COL24A1: variants seen among roughly 807,000 people sequenced by gnomAD.
COL24A1 encodes collagen type XXIV alpha 1 chain.
COL24A1 carries 224 observed loss-of-function variants against 253.9 expected under a neutral mutation model. That is an observed-to-expected ratio of 0.88 (90% CI 0.79 to 0.99). The LOEUF is 0.99. COL24A1 is among the 50% of genes least tolerant of loss of function. The probability of loss-of-function intolerance (pLI) is 0.00; values close to 1 mark genes in which losing one functional copy is unlikely to be tolerated. For synonymous variants in COL24A1, 685 were observed against 673.7 expected (o/e 1.02, Z -0.26); for missense variants, 2,131 against 2,068.5 (o/e 1.03, Z -0.59).
intron 2 of COL24A1, among the ~76,000 whole-genome samples, chr1:86,133,494 G>C (rs904163947): frequency 7.2e-5 from 11 of 152,122 alleles, no homozygotes; most frequent in African/African-American, 2.7e-4. Context: ...GTTTGTCATA[G>C]ATAGCACTTA....
At chr1:85,998,473 G>A (rs76071044) in intron 19 of COL24A1, among the ~76,000 whole-genome samples, 1 of 152,300 alleles carries the variant, frequency 6.6e-6, no homozygotes, top group East Asian at 1.9e-4. Context: ...TTAAGGGCAT[G>A]TTTCTCTATT....
chr1:85,945,760 A>G (rs1007264031), intron 24 of COL24A1, among the ~76,000 whole-genome samples: 14 of 151,838 alleles, frequency 9.2e-5, no homozygotes, highest in Middle Eastern at 3.4e-3. Flanking sequence ...TTAAGTGACT[A>G]TCTACATCTT....
chr1:86,066,231 C>CTTTTTT (rs71078637), intron 7 of COL24A1, among the ~76,000 whole-genome samples: 21 of 85,544 alleles, frequency 2.5e-4, no homozygotes, highest in African/African-American at 4.4e-4. Flanking sequence ...CCTAAGTCTC[C>CTTTTTT]TTTTTTTTTT....
chr1:85,739,383 G>C (rs975607643), intron 57 of COL24A1, among the ~76,000 whole-genome samples: 1 of 152,176 alleles, frequency 6.6e-6, no homozygotes, highest in African/African-American at 2.4e-5. Flanking sequence ...TGCCAAGCTA[G>C]AGATGAAGTC....
intron 1 of COL24A1, among the ~76,000 whole-genome samples, chr1:86,150,459 C>T (rs1652596772): frequency 6.6e-6 from 1 of 152,068 alleles, no homozygotes; most frequent in Non-Finnish European, 1.5e-5. Context: ...TCTTTTAACA[C>T]TTGGAAAAAA....
intron 19 of COL24A1, among the ~76,000 whole-genome samples, chr1:86,002,579 T>A (rs1479094541): frequency 1.3e-5 from 2 of 152,204 alleles, no homozygotes; most frequent in African/African-American, 4.8e-5. Context: ...TCTGAAGAGA[T>A]CTGAACCTTC....
At chr1:86,066,621 A>G (rs1362752819) in intron 7 of COL24A1, among the ~76,000 whole-genome samples, 2 of 152,088 alleles carry the variant, frequency 1.3e-5, no homozygotes, top group Non-Finnish European at 2.9e-5. Flanking sequence ...TTTACTGATA[A>G]TAACAATGAA....
chr1:86,132,134 C>A (rs1044402876), intron 2 of COL24A1, among the ~76,000 whole-genome samples: 5 of 152,184 alleles, frequency 3.3e-5, no homozygotes, highest in African/African-American at 1.2e-4. Flanking sequence ...AGCATTTTTT[C>A]ATGTGTCTGT....
Position 86,022,942 on chromosome 1 carries a change from A to G in COL24A1, c.2103+12T>C. ...TTAAAGGGAAATATCCATTATACAA[A>G]TAGAACCATACCATTGGGCCAGGAA... On this transcript the variant is annotated intron_variant, in intron 15 of 59. Transcript: ENST00000370571. 6.2e-7 allele frequency: 1 copy of G among 1,613,268 alleles called. No individual in the cohort carries two copies. Among genetic ancestry groups the G allele is most frequent in the Non-Finnish European group, 8.5e-7 (1 of 1,179,510 alleles).
At chr1:85,873,851 G>A (rs1190400359) in intron 35 of COL24A1, among the ~76,000 whole-genome samples, 1 of 150,986 alleles carries the variant, frequency 6.6e-6, no homozygotes, top group African/African-American at 2.4e-5. Context: ...CTAAGGCTCC[G>A]GTACATTAAT....
chr1:85,742,313 T>C (rs1407031064), intron 57 of COL24A1, among the ~76,000 whole-genome samples: 1 of 151,890 alleles, frequency 6.6e-6, no homozygotes, highest in Admixed American at 6.6e-5. Flanking sequence ...TCTGTATTTT[T>C]AGTAGAGATG....
At chr1:85,854,206 T>A (rs141503057) in intron 37 of COL24A1, among the ~76,000 whole-genome samples, 2 of 152,306 alleles carry the variant, frequency 1.3e-5, no homozygotes, top group African/African-American at 4.8e-5. Context: ...CCCAGCACCA[T>A]CTACTGAATA....
chr1:85,943,096 T>C (rs1688908897), intron 24 of COL24A1, among the ~76,000 whole-genome samples: 1 of 151,854 alleles, frequency 6.6e-6, no homozygotes, highest in African/African-American at 2.4e-5. Flanking sequence ...AGAAGAAAAA[T>C]TGGTTGCTCT....
At chr1:85,891,708 GA>G (rs1357058145) in intron 31 of COL24A1, among the ~76,000 whole-genome samples, 1 of 152,146 alleles carries the variant, frequency 6.6e-6, no homozygotes, top group Non-Finnish European at 1.5e-5. Context: ...TACACCAACT[GA>G]AATATACAGA....
chr1:86,126,677 T>C (rs1648357666), intron 2 of COL24A1, among the ~76,000 whole-genome samples: 1 of 152,090 alleles, frequency 6.6e-6, no homozygotes, highest in Non-Finnish European at 1.5e-5. Flanking sequence ...CTTGCTCTAT[T>C]GCCCAGGATA....
chr1:85,845,010 A>G (rs1187866291), intron 39 of COL24A1, among the ~76,000 whole-genome samples: 1 of 151,982 alleles, frequency 6.6e-6, no homozygotes, highest in Non-Finnish European at 1.5e-5. Context: ...TTAAAAAAGG[A>G]TGGAATGAAG....
intron 5 of COL24A1, among the ~76,000 whole-genome samples, chr1:86,104,662 A>G (rs2102071780): frequency 1.3e-5 from 2 of 151,682 alleles, no homozygotes; most frequent in South Asian, 4.2e-4. Context: ...TCAACTCACA[A>G]CTCCTGGACT....
intron 7 of COL24A1, among the ~76,000 whole-genome samples, chr1:86,081,482 CTA>C (rs1266297403): frequency 6.6e-6 from 1 of 152,102 alleles, no homozygotes; most frequent in African/African-American, 2.4e-5. Context: ...TTTAAAATTC[CTA>C]TGTTATCACT....
intron 55 of COL24A1, among the ~76,000 whole-genome samples, chr1:85,748,258 TA>T (rs1468256296): frequency 1.3e-5 from 2 of 152,188 alleles, no homozygotes; most frequent in African/African-American, 2.4e-5. Flanking sequence ...AGTCTGTCAA[TA>T]AAAAATGGTA....
Sources: allele counts gnomAD v4.1 joint callset (sites outside exome capture counted in the v4.1 genomes callset), GRCh38; gene constraint gnomAD v4.1.1; transcripts MANE v1.5; gene names NCBI Gene and HGNC (gene_info 2026-07-23, HGNC 2026-07-21).